Variants in PEX5 observed in about 807,000 individuals in gnomAD.
The protein encoded by PEX5 is peroxisomal biogenesis factor 5, also known as PTS1 receptor.
Under a neutral mutation model 82.9 loss-of-function variants are expected in PEX5, and 52 were observed. That is an observed-to-expected ratio of 0.63 (90% confidence interval 0.50 to 0.79). The LOEUF is 0.79. Ranked by LOEUF, PEX5 falls within the 30% of genes least tolerant of loss-of-function variation. The pLI, the probability that PEX5 is intolerant of heterozygous loss-of-function variation, is 0.00. For missense variants in PEX5, 719 were observed against 815.2 expected (o/e 0.88, Z 1.44); for synonymous variants, 300 against 318.8 (o/e 0.94, Z 0.63).
rs554054262 is a variant in PEX5, at chr12:7,194,614, G to A, written c.448+2914G>A. Among the ~76,000 whole-genome samples, 42 of 152,240 alleles carry A rather than the reference G, an allele frequency of 2.8e-4. No homozygotes were observed. In the South Asian group the frequency reaches 6.6e-3, roughly 24 times the overall value. On this transcript the variant is annotated intron_variant, in intron 5 of 15. Coordinates refer to ENST00000675855, the MANE Select transcript of PEX5 (RefSeq NM_001351132.2). ...CCTTATTTTGTAATGGAATCCCCCCGTCTTAAATCTTCTGGGTCAAATAAT... is the reference window on the plus strand; with the variant it reads ...CCTTATTTTGTAATGGAATCCCCCCATCTTAAATCTTCTGGGTCAAATAAT...
At chr12:7,201,867 GC>G in intron 7 of PEX5, 26 bp downstream of exon 7, 1 of 1,515,572 alleles carries the variant, frequency 6.6e-7, no homozygotes, top group Non-Finnish European at 9.2e-7. Context: ...CTGCTGCTTT[GC>G]CCAGCAGAGC....
At chr12:7,217,911 GT>G (rs1384864190) in intron 17 of PEX5, among the ~76,000 whole-genome samples, 1 of 152,232 alleles carries the variant, frequency 6.6e-6, no homozygotes, top group Non-Finnish European at 1.5e-5. Flanking sequence ...TTCACAGTCA[GT>G]CCCTGGCTGT....
At chr12:7,213,313 C>G (rs1945677742), downstream of PEX5, among the ~76,000 whole-genome samples, 1 of 152,070 alleles carries the variant, frequency 6.6e-6, no homozygotes, top group Non-Finnish European at 1.5e-5. Context: ...ATCACACTAC[C>G]TGACTTCTTC....
chr12:7,197,406 TA>T lies in PEX5; in HGVS notation c.449-1604del, dbSNP rs1226823043. 2.9e-5 allele frequency among the ~76,000 whole-genome samples: 2 copies of T among 69,756 alleles called. 1 individual carries two copies. Among genetic ancestry groups the T allele is most frequent in the African/African-American group, 7.3e-5 (2 of 27,294 alleles). 45.8% of individuals were successfully genotyped at this position (69,756 alleles called of 152,430 possible). ...CAATGTAATAATTATATATATGTCA[TA>T]TACAATGTAATTATATGTCATATAC... On this transcript the variant is annotated intron_variant, in intron 5 of 15. Coordinates refer to ENST00000675855, the MANE Select transcript of PEX5 (RefSeq NM_001351132.2).
chr12:7,198,208 A>G (rs1221083524), intron 5 of PEX5, among the ~76,000 whole-genome samples: 2 of 152,204 alleles, frequency 1.3e-5, no homozygotes, highest in South Asian at 2.1e-4. Flanking sequence ...TTAGACTGAA[A>G]AAACATAGCT....
chr12:7,200,541 C>T (rs1447981713), intron 6 of PEX5, among the ~76,000 whole-genome samples: 23 of 152,294 alleles, frequency 1.5e-4, no homozygotes, highest in African/African-American at 5.5e-4. Flanking sequence ...AGGCAGGCGG[C>T]TGGGAGGTGG....
At chr12:7,190,086 GAGGC>G in intron 1 of PEX5, 1 of 1,493,462 alleles carries the variant, frequency 6.7e-7, no homozygotes, top group Non-Finnish European at 8.8e-7. Context: ...CCCCTTTGTG[GAGGC>G]AGCTGCTGGC....
rs1291658021 is a variant in PEX5 at position 7,189,829 on chromosome 12, G to C, written c.-17+79G>C. The C allele has an allele frequency of 1.0e-5, 11 of 1,089,500 alleles. No homozygotes were observed. In the African/African-American group the frequency reaches 1.5e-4, roughly 15 times the overall value. 67.5% of individuals were successfully genotyped at this position (1,089,500 alleles called of 1,614,324 possible). A position where few individuals can be genotyped will look rare whatever the true frequency, so the allele number is the denominator to read the frequency against. ...CCTTGCGGTGGCCTCGCGGGTCCCAGGGGCGGGGCTGGAGCGGCAGCAGGG... is the reference window on the plus strand; with the variant it reads ...CCTTGCGGTGGCCTCGCGGGTCCCACGGGCGGGGCTGGAGCGGCAGCAGGG... On this transcript the variant is annotated intron_variant, in intron 1 of 15. Coordinates refer to ENST00000675855, the MANE Select transcript of PEX5 (RefSeq NM_001351132.2).
rs746001175 is a variant in PEX5, at chr12:7,207,736, G to T, written c.1044G>T (p.Glu348Asp). The T allele has an allele frequency of 3.1e-6, 5 of 1,614,022 alleles. No homozygotes were observed. In the African/African-American group the frequency reaches 5.3e-5, roughly 17 times the overall value. Residue 348 changes from glutamate to aspartate, a missense_variant, in exon 11 of 16, where the codon GAG becomes GAT. Physicochemically the swap from Glu to Asp is conservative, Grantham distance 45. Coordinates refer to ENST00000675855, the MANE Select transcript of PEX5 (RefSeq NM_001351132.2). Reference protein sequence around the residue: ...PFEEGLRRLQEGDLPNAVLLF... With the variant: ...PFEEGLRRLQDGDLPNAVLLF... ...AAGAAGGGCTGCGGCGCCTTCAGGA[G>T]GGGGACCTGCCAAATGCTGTGCTGC...
chr12:7,210,301 C>T lies in PEX5; in HGVS notation c.*78C>T. Reference sequence around the variant, plus strand: ...ATGTGATTCCCTCTCCCCAAATGGGCCTACCAAGGGGGCGGGCTGATGACC... The same window carrying T: ...ATGTGATTCCCTCTCCCCAAATGGGTCTACCAAGGGGGCGGGCTGATGACC... On this transcript the variant is annotated 3_prime_UTR_variant, in exon 16 of 16. Transcript: ENST00000675855. The T allele has an allele frequency of 7.1e-7, 1 of 1,409,768 alleles. No homozygotes were observed. The highest frequency in any genetic ancestry group is 1.0e-6 in the Non-Finnish European group (1 of 1,000,714). 87.3% of individuals were successfully genotyped at this position (1,409,768 alleles called of 1,614,324 possible). A position where few individuals can be genotyped will look rare whatever the true frequency, so the allele number is the denominator to read the frequency against.
rs1942940078 is a variant in PEX5, at chr12:7,197,488, AATT to A, written c.449-1520_449-1518del. On this transcript the variant is annotated intron_variant, in intron 5 of 15. Transcript: ENST00000675855. ...TTATATATGTTATATATAATATAATAATTATATATGTTATATATAATGTAATAA... is the reference window on the plus strand; with the variant it reads ...TTATATATGTTATATATAATATAATAATATATGTTATATATAATGTAATAA... Among the ~76,000 whole-genome samples the A allele has an allele frequency of 4.1e-5, 6 of 145,352 alleles. No individual in the cohort carries two copies. In the South Asian group the frequency reaches 1.3e-3, roughly 30 times the overall value.
intron 5 of PEX5, among the ~76,000 whole-genome samples, chr12:7,197,232 T>TATATAATGTAATTATATATGTCATATATA (rs1555175931): frequency 1.3e-4 from 6 of 44,722 alleles, no homozygotes; most frequent in East Asian, 3.7e-4. Flanking sequence ...ATATATGTCA[T>TATATAATGTAATTATATATGTCATATATA]ATGTAATAAT....
intron 6 of PEX5, 99 bp downstream of exon 6, chr12:7,199,212 T>A: frequency 4.1e-6 from 2 of 491,082 alleles, no homozygotes; most frequent in East Asian, 4.7e-5. Context: ...CTTTATTCTT[T>A]TTTTTTTTTT....
At chr12:7,200,977 A>G (rs1010104794) in intron 6 of PEX5, among the ~76,000 whole-genome samples, 2 of 152,126 alleles carry the variant, frequency 1.3e-5, no homozygotes, top group Non-Finnish European at 2.9e-5. Context: ...TACTCCTGTG[A>G]ATTTATGGTT....
At chr12:7,201,110 A>G (rs956377658) in intron 6 of PEX5, among the ~76,000 whole-genome samples, 7 of 151,362 alleles carry the variant, frequency 4.6e-5, no homozygotes, top group Non-Finnish European at 7.4e-5. Context: ...TCTTTAAAAA[A>G]CCAAAAGCGC....
intron 5 of PEX5, 142 bp from the exon 6 acceptor site, chr12:7,198,869 A>G: frequency 3.2e-6 from 2 of 616,664 alleles, no homozygotes; most frequent in East Asian, 6.3e-5. Context: ...TCTTTTGACC[A>G]GGGGTTTCTG....
At chr12:7,216,430 T>A (rs1945781496), downstream of PEX5, among the ~76,000 whole-genome samples, 1 of 152,218 alleles carries the variant, frequency 6.6e-6, no homozygotes, top group African/African-American at 2.4e-5. Flanking sequence ...TAAGCTGTAA[T>A]ACCATGTTTG....
At chr12:7,205,112 C>G (rs1944598681) in intron 10 of PEX5, among the ~76,000 whole-genome samples, 1 of 152,268 alleles carries the variant, frequency 6.6e-6, no homozygotes, top group East Asian at 1.9e-4. Flanking sequence ...TGACATTAGT[C>G]TTTGCAATGA....
At chr12:7,190,699 C>T in intron 2 of PEX5, 175 bp downstream of exon 2, 6 of 1,432,322 alleles carry the variant, frequency 4.2e-6, no homozygotes, top group Non-Finnish European at 5.8e-6. Context: ...ACTGCTTTCT[C>T]TATTGTGTTG....
Sources: gnomAD v4.1 joint callset for allele counts (sites outside exome capture counted in the v4.1 genomes callset) on GRCh38, gnomAD v4.1.1 for gene constraint, MANE v1.5 for transcripts, NCBI Gene and HGNC (gene_info 2026-07-23, HGNC 2026-07-21) for gene names.